The following SPON1 variants were observed in gnomAD, a reference collection of about 807,000 sequenced individuals.
SPON1 encodes spondin-1.
A neutral mutation model predicts 111.7 loss-of-function variants in SPON1; 52 were observed. The ratio of observed to expected loss-of-function variants is 0.47; its 90% CI spans 0.37 to 0.59. The LOEUF (loss-of-function observed/expected upper bound fraction) is 0.59, where lower values mean the gene tolerates loss of function less well. SPON1 is among the 20% of genes least tolerant of loss of function. The pLI is 0.00. For synonymous variants in SPON1, 410 were observed against 395.8 expected (o/e 1.04, Z -0.43); for missense variants, 957 against 1,068.5 (o/e 0.90, Z 1.46).
chr11:14,097,509 A>T (rs182306931), intron 5 of SPON1, among the ~76,000 whole-genome samples: 5 of 152,356 alleles, frequency 3.3e-5, no homozygotes, highest in African/African-American at 1.2e-4. Flanking sequence ...GGTTATAATT[A>T]GTGTACAAAA....
chr11:14,220,086 C>CAA (rs149757475), intron 6 of SPON1, among the ~76,000 whole-genome samples: 11 of 118,198 alleles, frequency 9.3e-5, no homozygotes, highest in Non-Finnish European at 9.1e-5. Flanking sequence ...GCACTTGGAT[C>CAA]AAAAAAAAAA....
chr11:13,992,691 G>A (rs1300346875), intron 2 of SPON1, among the ~76,000 whole-genome samples: 3 of 152,176 alleles, frequency 2.0e-5, no homozygotes, highest in African/African-American at 7.2e-5. Flanking sequence ...CCCTGGTTGG[G>A]TAGGCACCAG....
rs371965820 is a variant in SPON1, at chr11:14,256,686, G to A, written c.1303G>A (p.Asp435Asn). 1 of 1,613,104 alleles carries A rather than the reference G, an allele frequency of 6.2e-7. No individual in the cohort carries two copies. The highest frequency in any genetic ancestry group is 1.3e-5 in the African/African-American group (1 of 74,910). Residue 435 changes from aspartate (D) to asparagine (N), a missense_variant, in exon 10 of 16, where the codon GAT (aspartate) becomes AAT (asparagine). Around this residue, in one of 5 missense-constraint regions of SPON1, gnomAD observed 549 missense variants for 606.2 expected, o/e 0.91. Transcript: ENST00000576479. ...AGCTGACCTGGCTCCAGAAGAGAAAGATGAAGGTACGTTGTTTTCTTTTGT... is the reference window on the plus strand; with the variant it reads ...AGCTGACCTGGCTCCAGAAGAGAAAAATGAAGGTACGTTGTTTTCTTTTGT... ...IVADLAPEEK[D>N]EDDTPETCIY... is the part of the protein sequence containing the mutation.
chr11:14,112,577 C>T (rs1849234323), intron 5 of SPON1, among the ~76,000 whole-genome samples: 1 of 152,204 alleles, frequency 6.6e-6, no homozygotes, highest in African/African-American at 2.4e-5. Context: ...CTCAGAAGAG[C>T]GCCTAGCATA....
intron 6 of SPON1, among the ~76,000 whole-genome samples, chr11:14,156,992 G>A (rs1847855863): frequency 1.3e-5 from 2 of 152,106 alleles, no homozygotes; most frequent in African/African-American, 4.8e-5. Flanking sequence ...CATGAGATTT[G>A]GTCGAGGACG....
chr11:14,157,232 A>G (rs1375711542), intron 6 of SPON1, among the ~76,000 whole-genome samples: 1 of 152,062 alleles, frequency 6.6e-6, no homozygotes, highest in Non-Finnish European at 1.5e-5. Flanking sequence ...AGCATTTTTT[A>G]GAATTTGCAG....
chr11:14,056,366 A>G (rs1378228019), intron 3 of SPON1, among the ~76,000 whole-genome samples: 1 of 152,216 alleles, frequency 6.6e-6, no homozygotes, highest in Non-Finnish European at 1.5e-5. Flanking sequence ...AAGACAAAGA[A>G]GTGGTCTACC....
Position 14,195,239 on chromosome 11 carries a change from G to A in SPON1, c.826-48093G>A, listed in dbSNP as rs1474184854. On this transcript the variant is annotated intron_variant, in intron 6 of 15. Transcript: ENST00000576479. The stretch of plus-strand genomic sequence containing the variant: ...CAGAGTTCAGAAAATGGCTGCCTCT[G>A]ATCAATCTGGTGTGCAAAGCCCTTC... Among the ~76,000 whole-genome samples, 3 of 152,194 alleles carry A rather than the reference G, an allele frequency of 2.0e-5. No individual in the cohort carries two copies. In the East Asian group the frequency reaches 5.8e-4, roughly 29 times the overall value.
At chr11:14,088,086 T>A (rs1849021062) in intron 5 of SPON1, among the ~76,000 whole-genome samples, 1 of 152,228 alleles carries the variant, frequency 6.6e-6, no homozygotes, top group Non-Finnish European at 1.5e-5. Flanking sequence ...CTTTACCCAA[T>A]TTTCCAGTGT....
chr11:13,975,411 A>G (rs1848095223), intron 1 of SPON1, among the ~76,000 whole-genome samples: 1 of 152,224 alleles, frequency 6.6e-6, no homozygotes, highest in South Asian at 2.1e-4. Flanking sequence ...TTCATTCAAC[A>G]AGTATATATT....
intron 2 of SPON1, among the ~76,000 whole-genome samples, chr11:13,992,781 C>T (rs1848241350): frequency 6.6e-6 from 1 of 152,028 alleles, no homozygotes; most frequent in Non-Finnish European, 1.5e-5. Flanking sequence ...GGCTCAGTCC[C>T]TCATGGCTCC....
chr11:14,082,607 G>A (rs2133833647), intron 5 of SPON1, among the ~76,000 whole-genome samples: 1 of 152,248 alleles, frequency 6.6e-6, no homozygotes, highest in African/African-American at 2.4e-5. Flanking sequence ...TAATTATGAT[G>A]GGCAGTATGG....
intron 1 of SPON1, among the ~76,000 whole-genome samples, chr11:13,970,687 C>T (rs782190330): frequency 3.9e-5 from 6 of 152,228 alleles, no homozygotes; most frequent in Non-Finnish European, 5.9e-5. Flanking sequence ...CTCCCCAGGG[C>T]CTTCATCCTT....
chr11:14,169,286 T>G (rs1474497014), intron 6 of SPON1, among the ~76,000 whole-genome samples: 4 of 152,256 alleles, frequency 2.6e-5, no homozygotes, highest in Non-Finnish European at 4.4e-5. Context: ...GTTTTTTGAC[T>G]GCATAAATGT....
chr11:14,019,153 A>T (rs562197148), intron 2 of SPON1, among the ~76,000 whole-genome samples: 1 of 152,182 alleles, frequency 6.6e-6, no homozygotes, highest in South Asian at 2.1e-4. Context: ...AGTCATCCAT[A>T]GTATTTGGAT....
intron 5 of SPON1, among the ~76,000 whole-genome samples, chr11:14,082,591 T>C (rs984936783): frequency 8.5e-5 from 13 of 152,206 alleles, no homozygotes; most frequent in African/African-American, 3.1e-4. Context: ...ATGTCTAGCC[T>C]TCAGCTAATT....
chr11:14,188,723 C>A (rs952977638), intron 6 of SPON1, among the ~76,000 whole-genome samples: 1 of 152,088 alleles, frequency 6.6e-6, no homozygotes, highest in African/African-American at 2.4e-5. Context: ...GTGACTCTGC[C>A]ACTCAACTAA....
intron 6 of SPON1, among the ~76,000 whole-genome samples, chr11:14,176,226 C>T (rs1554933062): frequency 1.3e-5 from 2 of 152,140 alleles, no homozygotes; most frequent in Admixed American, 1.3e-4. Flanking sequence ...ATCCCTTCCA[C>T]ATATGCAAAC....
chr11:13,973,686 T>C (rs1335662221), intron 1 of SPON1, among the ~76,000 whole-genome samples: 2 of 152,208 alleles, frequency 1.3e-5, no homozygotes. Context: ...ATTTAGCAAA[T>C]GTTTTTATAT....
Sources: allele counts gnomAD v4.1 joint callset (sites outside exome capture counted in the v4.1 genomes callset), GRCh38; gene constraint gnomAD v4.1.1; regional missense constraint gnomAD v4.1.1; transcripts MANE v1.5; gene names NCBI Gene and HGNC (gene_info 2026-07-23, HGNC 2026-07-21).